ROBO2: variants seen among roughly 807,000 people sequenced by gnomAD.
ROBO2 encodes roundabout homolog 2.
In ROBO2, 53 loss-of-function variants were observed where a neutral mutation model predicts 160.8. That is an observed-to-expected ratio of 0.33 (90% confidence interval 0.26 to 0.41). The LOEUF is 0.41. ROBO2 is among the 10% of genes least tolerant of loss of function. The probability of loss-of-function intolerance (pLI) is 1.00; values close to 1 mark genes in which losing one functional copy is unlikely to be tolerated. For synonymous variants in ROBO2, 664 were observed against 611.7 expected, an observed-to-expected ratio of 1.09 and a Z score of -1.26; for missense variants, 1,577 against 1,722.4, an observed-to-expected ratio of 0.92 and a Z score of 1.49.
intron 2 of ROBO2, among the ~76,000 whole-genome samples, chr3:77,298,022 G>A (rs1425583963): frequency 6.6e-6 from 1 of 152,090 alleles, no homozygotes; most frequent in Non-Finnish European, 1.5e-5. Context: ...AGCGGGTAGG[G>A]CATTGTGCTT....
chr3:76,675,408 A>G (rs2092381373), intron 2 of ROBO2, among the ~76,000 whole-genome samples: 1 of 147,182 alleles, frequency 6.8e-6, no homozygotes, highest in African/African-American at 2.6e-5. Flanking sequence ...CCCTTTGAGA[A>G]CAATGATTTT....
At chr3:77,340,468 C>T (rs953493457) in intron 2 of ROBO2, among the ~76,000 whole-genome samples, 8 of 151,994 alleles carry the variant, frequency 5.3e-5, no homozygotes, top group African/African-American at 1.7e-4. Context: ...CTTAGGAGTC[C>T]GTGGTTGTAT....
At chr3:76,707,536 C>A (rs1021405767) in intron 2 of ROBO2, among the ~76,000 whole-genome samples, 5 of 151,898 alleles carry the variant, frequency 3.3e-5, no homozygotes, top group Admixed American at 2.0e-4. Context: ...CTGGAGCATG[C>A]CACAAGTTCC....
At chr3:76,188,771 G>A (rs1347807117) in intron 2 of ROBO2, among the ~76,000 whole-genome samples, 1 of 151,976 alleles carries the variant, frequency 6.6e-6, no homozygotes, top group Non-Finnish European at 1.5e-5. Flanking sequence ...TTCCTTTTCT[G>A]CAGTCAAGGA....
chr3:76,362,327 G>T (rs1465223259), intron 2 of ROBO2, among the ~76,000 whole-genome samples: 1 of 151,944 alleles, frequency 6.6e-6, no homozygotes, highest in Non-Finnish European at 1.5e-5. Flanking sequence ...TTCCATTTCT[G>T]CACTCCAGCC....
chr3:76,047,563 C>T (rs1197532573), intron 2 of ROBO2, among the ~76,000 whole-genome samples: 1 of 152,202 alleles, frequency 6.6e-6, no homozygotes, highest in African/African-American at 2.4e-5. Flanking sequence ...TCTGCTTTGT[C>T]ATGCAACACA....
At chr3:76,345,188 T>C in intron 2 of ROBO2, among the ~76,000 whole-genome samples, 1 of 152,056 alleles carries the variant, frequency 6.6e-6, no homozygotes, top group East Asian at 1.9e-4. Flanking sequence ...GGTGTCCATA[T>C]GAATATAAGG....
chr3:77,161,043 C>T (rs959370527), intron 2 of ROBO2, among the ~76,000 whole-genome samples: 12 of 152,100 alleles, frequency 7.9e-5, no homozygotes, highest in Non-Finnish European at 1.8e-4. Context: ...AGAAGGAGTA[C>T]TCCAGTGGTT....
chr3:76,752,289 G>C (rs887531054), intron 2 of ROBO2, among the ~76,000 whole-genome samples: 3 of 151,886 alleles, frequency 2.0e-5, no homozygotes, highest in Non-Finnish European at 4.4e-5. Context: ...GGCCTGTAGT[G>C]GGGTGGGGGT....
intron 2 of ROBO2, among the ~76,000 whole-genome samples, chr3:76,814,601 T>G (rs537333651): frequency 6.6e-6 from 1 of 152,076 alleles, no homozygotes; most frequent in Non-Finnish European, 1.5e-5. Context: ...CGGTTTTTTT[T>G]GTCATTGATC....
chr3:77,648,289 C>T (rs2095426091), exon 26 of ROBO2: 1 of 152,038 alleles, frequency 6.6e-6, no homozygotes, highest in Non-Finnish European at 1.5e-5. Flanking sequence ...TTCTCTATGA[C>T]CCAGTTTAGT....
intron 2 of ROBO2, among the ~76,000 whole-genome samples, chr3:77,190,713 C>T (rs2081756760): frequency 6.6e-6 from 1 of 151,974 alleles, no homozygotes; most frequent in Admixed American, 6.6e-5. Context: ...TTCTGCTGCT[C>T]TATGCTAGAT....
At chr3:77,227,255 C>T (rs1397475643) in intron 2 of ROBO2, among the ~76,000 whole-genome samples, 1 of 152,050 alleles carries the variant, frequency 6.6e-6, no homozygotes, top group South Asian at 2.1e-4. Flanking sequence ...TGCAGGTGGT[C>T]ATAAACCGCA....
intron 21 of ROBO2, among the ~76,000 whole-genome samples, chr3:77,613,259 G>T (rs1192173910): frequency 1.3e-5 from 2 of 150,268 alleles, no homozygotes; most frequent in Admixed American, 6.6e-5. Flanking sequence ...ATCCCCATTA[G>T]ATTTTCAAAA....
At chr3:77,202,195 G>GT (rs1237198329) in intron 2 of ROBO2, among the ~76,000 whole-genome samples, 1 of 152,098 alleles carries the variant, frequency 6.6e-6, no homozygotes, top group Non-Finnish European at 1.5e-5. Context: ...TGGTCATTGA[G>GT]TTTTTTCTGA....
chr3:76,402,835 T>C (rs1013681269), intron 2 of ROBO2, among the ~76,000 whole-genome samples: 1 of 151,672 alleles, frequency 6.6e-6, no homozygotes, highest in Admixed American at 6.6e-5. Context: ...TAAGAACTCA[T>C]CTGATTAGAT....
At chr3:76,226,918 A>C (rs1437742219) in intron 2 of ROBO2, among the ~76,000 whole-genome samples, 2 of 152,196 alleles carry the variant, frequency 1.3e-5, no homozygotes, top group African/African-American at 4.8e-5. Context: ...ACAGCAGTGA[A>C]AGCCCATGAA....
At chr3:76,678,729 C>T (rs890913386) in intron 2 of ROBO2, among the ~76,000 whole-genome samples, 2 of 151,942 alleles carry the variant, frequency 1.3e-5, no homozygotes, top group African/African-American at 4.8e-5. Context: ...GAGACAAGTA[C>T]TTAGGTGGAA....
chr3:76,248,042 G>A (rs1237426375), intron 2 of ROBO2, among the ~76,000 whole-genome samples: 1 of 151,908 alleles, frequency 6.6e-6, no homozygotes, highest in Non-Finnish European at 1.5e-5. Flanking sequence ...CACTGTTGGT[G>A]GGACTGTAAA....
Sources: gnomAD v4.1 joint callset for allele counts (sites outside exome capture counted in the v4.1 genomes callset) on GRCh38, gnomAD v4.1.1 for gene constraint, MANE v1.5 for transcripts, NCBI Gene and HGNC (gene_info 2026-07-23, HGNC 2026-07-21) for gene names.